GTF2A1L: variants seen among roughly 807,000 people sequenced by gnomAD.
GTF2A1L encodes TFIIA-alpha and beta-like factor.
GTF2A1L carries 48 observed loss-of-function variants against 49.7 expected under a neutral mutation model. The observed-to-expected ratio is 0.97, with a 90% CI of 0.77 to 1.23. The LOEUF (loss-of-function observed/expected upper bound fraction) is 1.23, where lower values mean the gene tolerates loss of function less well. Ranked by LOEUF, GTF2A1L falls within the 50% of genes most tolerant of loss-of-function variation. GTF2A1L has a pLI of 0.00. For missense variants in GTF2A1L, 736 were observed against 564.8 expected (o/e 1.30, Z -3.07); for synonymous variants, 246 against 193.5 (o/e 1.27, Z -2.25).
chr2:48,620,983 T>C, intron 2 of GTF2A1L, 31 bp downstream of exon 2: 1 of 1,589,194 alleles, frequency 6.3e-7, no homozygotes, highest in Non-Finnish European at 8.5e-7. Context: ...TTTCTTCCTG[T>C]CTTTTGTTGT....
intron 4 of GTF2A1L, 34 bp downstream of exon 4, chr2:48,642,491 C>A (rs933004827): frequency 1.3e-6 from 2 of 1,535,628 alleles, no homozygotes; most frequent in African/African-American, 1.4e-5. Flanking sequence ...TTTTAAAAGA[C>A]ATGTCCCACT....
chr2:48,665,022 C>T lies in GTF2A1L; in HGVS notation c.979-4700C>T, dbSNP rs148752494. On this transcript the variant is annotated intron_variant, in intron 6 of 8. Transcript: ENST00000403751. ...CTGCAACCAGCACCTCCTGGGTTCA[C>T]GTGATTCTCGTGCCTCAGCCTCCCG... Among the ~76,000 whole-genome samples, 1,430 of 151,988 alleles carry T rather than the reference C, an allele frequency of 9.4e-3. 20 individuals carry two copies. Among genetic ancestry groups the T allele is most frequent in the African/African-American group, 0.033 (1,356 of 41,474 alleles).
intron 1 of GTF2A1L, among the ~76,000 whole-genome samples, chr2:48,618,948 T>A (rs1205167895): frequency 2.0e-5 from 3 of 152,182 alleles, no homozygotes; most frequent in Non-Finnish European, 4.4e-5. Flanking sequence ...CCTAAGAGTT[T>A]TTTCCTTCGG....
intron 6 of GTF2A1L, among the ~76,000 whole-genome samples, chr2:48,658,978 T>C (rs1377551914): frequency 6.6e-6 from 1 of 152,302 alleles, no homozygotes; most frequent in Admixed American, 6.5e-5. Flanking sequence ...AAATTGTTGG[T>C]TGGAATTTCT....
chr2:48,628,349 A>G (rs1036008779), intron 3 of GTF2A1L, among the ~76,000 whole-genome samples: 3 of 144,500 alleles, frequency 2.1e-5, no homozygotes, highest in African/African-American at 7.4e-5. Flanking sequence ...CCAACAGTGT[A>G]CAAGTGTTCT....
intron 3 of GTF2A1L, among the ~76,000 whole-genome samples, chr2:48,635,497 C>T (rs1017196084): frequency 1.3e-5 from 2 of 152,000 alleles, no homozygotes; most frequent in African/African-American, 2.4e-5. Context: ...AGCAGGGGCA[C>T]CAAGTGATGG....
At chr2:48,637,250 T>G (rs1023572575) in intron 3 of GTF2A1L, among the ~76,000 whole-genome samples, 2 of 152,176 alleles carry the variant, frequency 1.3e-5, no homozygotes, top group African/African-American at 4.8e-5. Context: ...CCAAGAATCA[T>G]AAAACTATAA....
intron 8 of GTF2A1L, among the ~76,000 whole-genome samples, chr2:48,674,500 C>T (rs12471874): frequency 0.038 from 5,742 of 151,898 alleles, 144 homozygotes; most frequent in Non-Finnish European, 0.056. Context: ...ACATTTTATA[C>T]AAATAGAAAA....
intron 1 of GTF2A1L, among the ~76,000 whole-genome samples, chr2:48,619,762 T>C (rs1376249427): frequency 6.6e-6 from 1 of 152,230 alleles, no homozygotes; most frequent in Non-Finnish European, 1.5e-5. Flanking sequence ...TATATAGATA[T>C]GAAGGGCTGA....
chr2:48,661,996 T>C (rs1223109411), intron 6 of GTF2A1L, among the ~76,000 whole-genome samples: 1 of 152,234 alleles, frequency 6.6e-6, no homozygotes, highest in East Asian at 1.9e-4. Flanking sequence ...CCTTCCTTTG[T>C]GTTTAATTGA....
chr2:48,676,052 T>C (rs1236828841), intron 8 of GTF2A1L, among the ~76,000 whole-genome samples: 1 of 151,942 alleles, frequency 6.6e-6, no homozygotes, highest in East Asian at 1.9e-4. Flanking sequence ...TGAATGCAAA[T>C]AAGTAGTTAT....
At chr2:48,662,092 A>G (rs932582750) in intron 6 of GTF2A1L, among the ~76,000 whole-genome samples, 1 of 152,166 alleles carries the variant, frequency 6.6e-6, no homozygotes, top group Non-Finnish European at 1.5e-5. Flanking sequence ...ATAATATTTT[A>G]GGCTTATAAT....
chr2:48,627,930 T>C (rs12469348), intron 3 of GTF2A1L, among the ~76,000 whole-genome samples: 15,914 of 143,478 alleles, frequency 0.11, 2,778 homozygotes, highest in African/African-American at 0.23. Context: ...TTTATGTCCA[T>C]GGGTACTCAA....
chr2:48,674,125 T>C (rs1010803666), intron 8 of GTF2A1L, among the ~76,000 whole-genome samples: 2 of 152,350 alleles, frequency 1.3e-5, no homozygotes, highest in East Asian at 3.9e-4. Context: ...TCTTGGCATA[T>C]ACTCAGGAGT....
At chr2:48,651,888 G>A (rs1053129143) in intron 6 of GTF2A1L, among the ~76,000 whole-genome samples, 2 of 152,078 alleles carry the variant, frequency 1.3e-5, no homozygotes, top group African/African-American at 2.4e-5. Flanking sequence ...GATCTATGTG[G>A]TGGACGTTTG....
At chr2:48,619,423 T>C (rs1675848306) in intron 1 of GTF2A1L, among the ~76,000 whole-genome samples, 3 of 151,620 alleles carry the variant, frequency 2.0e-5, no homozygotes, top group South Asian at 4.2e-4. Context: ...TGGGCCCAGA[T>C]TGTGCTACCG....
intron 3 of GTF2A1L, among the ~76,000 whole-genome samples, chr2:48,638,648 C>T (rs914963208): frequency 2.0e-5 from 3 of 152,016 alleles, no homozygotes; most frequent in Non-Finnish European, 4.4e-5. Context: ...GAATGCATTC[C>T]CCTTGAAAAC....
rs1225384064 is a variant in GTF2A1L at position 48,630,015 on chromosome 2, ATAGACT to A, written c.247+8728_247+8733del. Among the ~76,000 whole-genome samples the A allele has an allele frequency of 4.9e-5, 7 of 144,146 alleles. 1 individual carries two copies. Among genetic ancestry groups the A allele is most frequent in the Non-Finnish European group, 1.1e-4 (7 of 63,934 alleles). 94.6% of individuals were successfully genotyped at this position (144,146 alleles called of 152,430 possible). ...ACTGTTGCTATGCTGTTTGGTTACT[ATAGACT>A]TATAGTATGGGTGAAGTTCTGTAAT... is the stretch of plus-strand genomic sequence containing the variant. On this transcript the variant is annotated intron_variant, in intron 3 of 8. Transcript: ENST00000403751.
In GTF2A1L at chr2:48,617,893, G is replaced by C. The variant is rs1296066478; in HGVS notation, c.19G>C (p.Val7Leu). ...TGCTGTCATGGCCTGCCTCAACCCG[G>C]TGGTAAGGAAGACCTCAGGCTCTGT... MACLNPVPKLYRSVIED... is the reference protein window; with the variant it reads MACLNPLPKLYRSVIED... The change falls in exon 1 of 9, where the codon GTG (valine) becomes CTG (leucine). Residue 7 changes from valine (V) to leucine (L), a missense_variant and splice_region_variant. Coordinates refer to ENST00000403751, the MANE Select transcript of GTF2A1L (RefSeq NM_006872.5). The C allele has an allele frequency of 3.2e-6, 5 of 1,551,742 alleles. No individual in the cohort carries two copies. The highest frequency in any genetic ancestry group is 4.4e-6 in the Non-Finnish European group (5 of 1,147,068).
Sources: allele counts gnomAD v4.1 joint callset (sites outside exome capture counted in the v4.1 genomes callset), GRCh38; gene constraint gnomAD v4.1.1; transcripts MANE v1.5; gene names NCBI Gene and HGNC (gene_info 2026-07-23, HGNC 2026-07-21).